Variants in ERBB4 observed in about 807,000 individuals in gnomAD.
ERBB4 encodes the protein erb-b2 receptor tyrosine kinase 4.
In ERBB4, 42 loss-of-function variants were observed where a neutral mutation model predicts 158.0. The observed-to-expected ratio is 0.27, with a 90% CI of 0.21 to 0.34. The LOEUF (loss-of-function observed/expected upper bound fraction) is 0.34. Ranked by LOEUF, ERBB4 falls within the 10% of genes least tolerant of loss-of-function variation. The pLI, the probability that ERBB4 is intolerant of heterozygous loss-of-function variation, is 1.00. For missense variants in ERBB4, 1,333 were observed against 1,624.1 expected (o/e 0.82, Z 3.08); for synonymous variants, 583 against 558.7 (o/e 1.04, Z -0.61).
chr2:211,700,366 C>T (rs1402619806), intron 12 of ERBB4, among the ~76,000 whole-genome samples: 1 of 152,094 alleles, frequency 6.6e-6, no homozygotes, highest in African/African-American at 2.4e-5. Flanking sequence ...TTCAATATAA[C>T]ATGCATATTT....
chr2:212,163,964 A>C (rs2081276108), intron 1 of ERBB4, among the ~76,000 whole-genome samples: 1 of 151,738 alleles, frequency 6.6e-6, no homozygotes, highest in South Asian at 2.1e-4. Flanking sequence ...GCTATTTTTT[A>C]AATTATTTTT....
chr2:211,868,583 T>A (rs1327180158), intron 3 of ERBB4, among the ~76,000 whole-genome samples: 1 of 152,136 alleles, frequency 6.6e-6, no homozygotes, highest in Non-Finnish European at 1.5e-5. Context: ...CATTCATAAG[T>A]GATCATTTTT....
chr2:211,397,633 G>A (rs1478017084), intron 25 of ERBB4, among the ~76,000 whole-genome samples: 1 of 152,064 alleles, frequency 6.6e-6, no homozygotes, highest in Admixed American at 6.6e-5. Flanking sequence ...CTCTAAAGCA[G>A]GCAAAATCTG....
At chr2:211,851,009 A>C (rs2077708769) in intron 3 of ERBB4, among the ~76,000 whole-genome samples, 2 of 151,992 alleles carry the variant, frequency 1.3e-5, no homozygotes, top group South Asian at 4.1e-4. Context: ...AGTCAATACA[A>C]CTGATAATCT....
chr2:211,433,976 T>A (rs1460379040), intron 20 of ERBB4, among the ~76,000 whole-genome samples: 1 of 152,038 alleles, frequency 6.6e-6, no homozygotes, highest in African/African-American at 2.4e-5. Context: ...TCAACTAAAC[T>A]AGGCCAGAAG....
intron 18 of ERBB4, among the ~76,000 whole-genome samples, chr2:211,622,991 ATATATATATATATAT>A (rs1271398490): frequency 1.1e-3 from 7 of 6,426 alleles, no homozygotes; most frequent in Admixed American, 4.5e-3. Flanking sequence ...AAAAAAAAAA[ATATATATATATATAT>A]ATATATATAT....
chr2:212,500,391 G>A (rs1690821864), intron 1 of ERBB4, among the ~76,000 whole-genome samples: 1 of 152,028 alleles, frequency 6.6e-6, no homozygotes, highest in African/African-American at 2.4e-5. Context: ...TTGGTCTAGG[G>A]AAATGCCCTA....
chr2:211,743,876 T>C (rs1376542266), intron 5 of ERBB4, among the ~76,000 whole-genome samples: 3 of 152,228 alleles, frequency 2.0e-5, no homozygotes, highest in Non-Finnish European at 4.4e-5. Flanking sequence ...TCATAAGTTC[T>C]ATTTTGACCC....
intron 1 of ERBB4, among the ~76,000 whole-genome samples, chr2:212,185,569 G>T (rs1013265590): frequency 6.6e-6 from 1 of 152,020 alleles, no homozygotes; most frequent in African/African-American, 2.4e-5. Flanking sequence ...AACTTGTAGT[G>T]GTCATGGTCA....
At chr2:212,325,656 G>A (rs1251766356) in intron 1 of ERBB4, among the ~76,000 whole-genome samples, 1 of 150,560 alleles carries the variant, frequency 6.6e-6, no homozygotes, top group East Asian at 1.9e-4. Context: ...TTGGTGCTAA[G>A]TTTACCAGAG....
At chr2:212,208,225 G>A (rs2082824924) in intron 1 of ERBB4, among the ~76,000 whole-genome samples, 1 of 152,096 alleles carries the variant, frequency 6.6e-6, no homozygotes, top group South Asian at 2.1e-4. Flanking sequence ...TGTTTGCCCT[G>A]GACTGTGCTT....
At chr2:212,201,937 T>C (rs1253987848) in intron 1 of ERBB4, among the ~76,000 whole-genome samples, 1 of 152,222 alleles carries the variant, frequency 6.6e-6, no homozygotes, top group African/African-American at 2.4e-5. Context: ...TGTATTGGTA[T>C]GTTTGTGTAT....
chr2:212,167,150 C>A (rs1016720063), intron 1 of ERBB4, among the ~76,000 whole-genome samples: 1 of 152,064 alleles, frequency 6.6e-6, no homozygotes, highest in African/African-American at 2.4e-5. Flanking sequence ...TCAGAGTGAA[C>A]AGGCAACCTA....
At chr2:212,025,506 G>A (rs2076752652) in intron 2 of ERBB4, among the ~76,000 whole-genome samples, 1 of 151,812 alleles carries the variant, frequency 6.6e-6, no homozygotes, top group South Asian at 2.1e-4. Flanking sequence ...GATAAAGGCA[G>A]ATAATTTTCC....
chr2:212,163,066 A>G (rs1273686566), intron 1 of ERBB4, among the ~76,000 whole-genome samples: 1 of 151,732 alleles, frequency 6.6e-6, no homozygotes, highest in East Asian at 1.9e-4. Context: ...CTTCTGTTGG[A>G]CTCTCAGAAT....
At chr2:212,213,253 G>A (rs1316325270) in intron 1 of ERBB4, among the ~76,000 whole-genome samples, 2 of 151,938 alleles carry the variant, frequency 1.3e-5, no homozygotes, top group Non-Finnish European at 2.9e-5. Flanking sequence ...GTGGGAAAGG[G>A]ATATGAACAG....
chr2:212,050,579 T>A (rs1309620418), intron 2 of ERBB4, among the ~76,000 whole-genome samples: 1 of 152,094 alleles, frequency 6.6e-6, no homozygotes, highest in African/African-American at 2.4e-5. Context: ...AATATAATAT[T>A]TTAAATGACG....
intron 9 of ERBB4, among the ~76,000 whole-genome samples, chr2:211,707,337 C>T (rs576497894): frequency 3.9e-5 from 6 of 152,176 alleles, no homozygotes; most frequent in African/African-American, 7.2e-5. Context: ...TATAGCCACT[C>T]GAAATACATA....
chr2:211,776,692 T>C (rs1002914524), intron 4 of ERBB4, among the ~76,000 whole-genome samples: 4 of 152,230 alleles, frequency 2.6e-5, no homozygotes, highest in South Asian at 2.1e-4. Flanking sequence ...AATGGTTGTT[T>C]ACAGTTCTGG....
Sources: gnomAD v4.1 joint callset for allele counts (sites outside exome capture counted in the v4.1 genomes callset) on GRCh38, gnomAD v4.1.1 for gene constraint, MANE v1.5 for transcripts, NCBI Gene and HGNC (gene_info 2026-07-23, HGNC 2026-07-21) for gene names.